The following PLPPR4 variants were observed in gnomAD, a reference collection of about 807,000 sequenced individuals.
PLPPR4 encodes the protein phospholipid phosphatase related 4, also known as phospholipid phosphatase-related protein type 4.
In PLPPR4, 24 loss-of-function variants were observed where a neutral mutation model predicts 56.6. The observed-to-expected ratio is 0.42, with a 90% CI of 0.31 to 0.60. The LOEUF is 0.60. Ranked by LOEUF, PLPPR4 falls within the 20% of genes least tolerant of loss-of-function variation. PLPPR4 has a pLI of 0.13. For missense variants in PLPPR4, 654 were observed against 885.8 expected (o/e 0.74, Z 3.32); for synonymous variants, 326 against 328.1 (o/e 0.99, Z 0.07).
chr1:99,263,470 T>C (rs950454504), upstream of PLPPR4, among the ~76,000 whole-genome samples: 7 of 152,000 alleles, frequency 4.6e-5, no homozygotes, highest in African/African-American at 1.5e-4. Context: ...AATGGATAAA[T>C]GAGTTGGGAA....
In PLPPR4 at chr1:99,306,284, G is replaced by A. The variant is rs930220768; in HGVS notation, c.1422G>A (p.Val474=). Residue 474 remains valine, a synonymous_variant, in exon 7 of 7, where the codon GTG becomes GTA. Transcript: ENST00000370185. The surrounding 1 kb of genome is among the most constrained non-coding windows in gnomAD (Gnocchi z 4.0). ...CNNSMPGGPR[V]SIQSRPGSSQ... ...ACAGCATGCCTGGAGGGCCAAGAGT[G>A]TCCATTCAGTCCCGTCCTGGGTCCT... is the stretch of plus-strand genomic sequence containing the variant. The A allele has an allele frequency of 1.9e-6, 3 of 1,614,062 alleles. No homozygotes were observed. The highest frequency in any genetic ancestry group is 2.7e-5 in the African/African-American group (2 of 74,934).
intron 1 of PLPPR4, among the ~76,000 whole-genome samples, chr1:99,282,382 A>AT (rs1659352102): frequency 6.6e-6 from 1 of 152,188 alleles, no homozygotes; most frequent in Non-Finnish European, 1.5e-5. Context: ...GATTTCCGCC[A>AT]TTGCCATGCA....
Position 99,307,124 on chromosome 1 carries a change from C to T in PLPPR4, c.*114C>T. On this transcript the variant is annotated 3_prime_UTR_variant, in exon 7 of 7. Coordinates refer to ENST00000370185, the MANE Select transcript of PLPPR4 (RefSeq NM_014839.5). ...CCAAGCTAGATTGTCTACCATCAGC[C>T]CAGAACTCTGTAACTTTTCAGAACT... is the stretch of plus-strand genomic sequence containing the variant. The T allele has an allele frequency of 7.6e-7, 1 of 1,316,040 alleles. No individual in the cohort carries two copies. The highest frequency in any genetic ancestry group is 1.0e-6 in the Non-Finnish European group (1 of 966,142). 81.5% of individuals were successfully genotyped at this position (1,316,040 alleles called of 1,614,324 possible). A position where few individuals can be genotyped will look rare whatever the true frequency, so the allele number is the denominator to read the frequency against.
intron 5 of PLPPR4, among the ~76,000 whole-genome samples, chr1:99,301,299 GCA>G (rs112516642): frequency 0.02 from 2,998 of 149,972 alleles, 88 homozygotes; most frequent in African/African-American, 0.069. Flanking sequence ...CATACAACGT[GCA>G]CACACACACA....
At position 99,306,564 on chromosome 1, in the gene PLPPR4, G is replaced by A; in HGVS notation, c.1702G>A (p.Glu568Lys). 3 of 1,614,134 alleles carry A rather than the reference G, an allele frequency of 1.9e-6. No homozygotes were observed. The highest frequency in any genetic ancestry group is 2.5e-6 in the Non-Finnish European group (3 of 1,180,030). Residue 568 changes from glutamate (E) to lysine (K), a missense_variant, in exon 7 of 7, where the codon GAG (glutamate) becomes AAG (lysine). By Grantham distance (56) the Glu-to-Lys change is moderately conservative. Coordinates refer to ENST00000370185, the MANE Select transcript of PLPPR4 (RefSeq NM_014839.5). This position sits in a 1 kb window ranked among gnomAD's most constrained non-coding sequence, Gnocchi z 4.0. ...SIRYKTLTDH[E>K]PSGIVRVEAH... ...CCGCTATAAAACCTTGACAGACCAT[G>A]AGCCCAGTGGGATAGTGAGGGTTGA...
chr1:99,298,180 T>TATGAG (rs1659790701), intron 3 of PLPPR4, among the ~76,000 whole-genome samples: 1 of 152,070 alleles, frequency 6.6e-6, no homozygotes, highest in Admixed American at 6.6e-5. Context: ...CCTGGTCCTC[T>TATGAG]CATAATGATT....
chr1:99,290,960 G>A (rs534618455), intron 2 of PLPPR4, among the ~76,000 whole-genome samples: 112 of 152,012 alleles, frequency 7.4e-4, no homozygotes, highest in African/African-American at 2.7e-3. Flanking sequence ...AATTAAACTA[G>A]AGAGCTTCTG....
At chr1:99,278,129 A>G (rs1659237431) in intron 1 of PLPPR4, among the ~76,000 whole-genome samples, 3 of 152,126 alleles carry the variant, frequency 2.0e-5, no homozygotes, top group Admixed American at 1.3e-4. Flanking sequence ...TTGGAAACCC[A>G]TTGATCCATT....
At chr1:99,276,797 A>T (rs1331356965) in intron 1 of PLPPR4, among the ~76,000 whole-genome samples, 1 of 152,178 alleles carries the variant, frequency 6.6e-6, no homozygotes. Context: ...TCAGCTAAAG[A>T]AAAATGGGTG....
At position 99,264,526 on chromosome 1, in the gene PLPPR4, C is replaced by A. The variant is rs763487374; in HGVS notation, c.-68C>A. Reference sequence around the variant, plus strand: ...GCCGGGCGCTTGGGGCTGGAGGAGGCAGCTCGCCTCAGCTGCGCTGTGCAC... The same window carrying A: ...GCCGGGCGCTTGGGGCTGGAGGAGGAAGCTCGCCTCAGCTGCGCTGTGCAC... On this transcript the variant is annotated 5_prime_UTR_variant, in exon 1 of 7. Transcript: ENST00000370185. The A allele has an allele frequency of 3.9e-6, 6 of 1,550,092 alleles. No individual in the cohort carries two copies. Among genetic ancestry groups the A allele is most frequent in the Non-Finnish European group, 5.2e-6 (6 of 1,147,322 alleles).
intron 3 of PLPPR4, chr1:99,298,714 C>T: frequency 1.8e-6 from 1 of 549,560 alleles, no homozygotes; most frequent in African/African-American, 1.9e-5. Flanking sequence ...TCATTCCACA[C>T]ATGTCGTCGC....
intron 1 of PLPPR4, among the ~76,000 whole-genome samples, chr1:99,272,353 G>T (rs566791396): frequency 2.6e-5 from 4 of 152,090 alleles, no homozygotes; most frequent in South Asian, 2.1e-4. Flanking sequence ...ATCAGATCAG[G>T]AATAGAACCT....
At chr1:99,304,139 AT>A (rs1659954539) in intron 6 of PLPPR4, among the ~76,000 whole-genome samples, 1 of 152,218 alleles carries the variant, frequency 6.6e-6, no homozygotes, top group South Asian at 2.1e-4. Context: ...ACATAATGAT[AT>A]TTTGGTCAAC....
At chr1:99,298,878 T>C (rs1271987066) in intron 3 of PLPPR4, 157 bp from the exon 4 acceptor site, 1 of 702,310 alleles carries the variant, frequency 1.4e-6, no homozygotes, top group Non-Finnish European at 2.6e-6. Context: ...AGTATCTGTT[T>C]AGAAGTTTAG....
intron 3 of PLPPR4, among the ~76,000 whole-genome samples, chr1:99,297,192 A>G (rs1570921258): frequency 6.6e-6 from 1 of 152,300 alleles, no homozygotes; most frequent in Non-Finnish European, 1.5e-5. Context: ...ATGGAGAACA[A>G]ACGTCAGCAG....
intron 1 of PLPPR4, among the ~76,000 whole-genome samples, chr1:99,266,143 A>G (rs1333296157): frequency 6.6e-6 from 1 of 152,230 alleles, no homozygotes; most frequent in African/African-American, 2.4e-5. Context: ...TGGTGAAGGA[A>G]TAGAAAGATG....
intron 2 of PLPPR4, among the ~76,000 whole-genome samples, chr1:99,292,841 C>T (rs1407129369): frequency 6.6e-6 from 1 of 151,662 alleles, no homozygotes; most frequent in Admixed American, 6.6e-5. Flanking sequence ...AGCAGTGATC[C>T]TCCAGTGTCT....
chr1:99,307,332 TGC>T lies in PLPPR4; in HGVS notation c.*323_*324del. 2 of 259,762 alleles carry T rather than the reference TGC, an allele frequency of 7.7e-6. No individual in the cohort carries two copies. Among genetic ancestry groups the T allele is most frequent in the Non-Finnish European group, 1.5e-5 (2 of 135,940 alleles). 16.1% of individuals were successfully genotyped at this position (259,762 alleles called of 1,614,324 possible). ...TGTATACTATTTTACTTCCTGAATG[TGC>T]CAACTTTGGGGATTTTTCTTTATAG... On this transcript the variant is annotated 3_prime_UTR_variant, in exon 7 of 7. Transcript: ENST00000370185.
Position 99,264,561 on chromosome 1 carries a change from G to C in PLPPR4, c.-33G>C, listed in dbSNP as rs974634943. The C allele has an allele frequency of 1.3e-6, 2 of 1,550,786 alleles. No homozygotes were observed. The highest frequency in any genetic ancestry group is 1.7e-6 in the Non-Finnish European group (2 of 1,147,096). On this transcript the variant is annotated 5_prime_UTR_variant, in exon 1 of 7. Coordinates refer to ENST00000370185, the MANE Select transcript of PLPPR4 (RefSeq NM_014839.5). ...CAGCTGCGCTGTGCACACCTCGCCCGGGGGAGGACGCAGACCCGGGCAGGC... is the reference window on the plus strand; with the variant it reads ...CAGCTGCGCTGTGCACACCTCGCCCCGGGGAGGACGCAGACCCGGGCAGGC...
Sources: allele counts gnomAD v4.1 joint callset (sites outside exome capture counted in the v4.1 genomes callset), GRCh38; gene constraint gnomAD v4.1.1; non-coding constraint Gnocchi (gnomAD v3.1); transcripts MANE v1.5; gene names NCBI Gene and HGNC (gene_info 2026-07-23, HGNC 2026-07-21).